The following ARHGEF6 variants were observed in gnomAD, a reference collection of about 807,000 sequenced individuals.
The protein encoded by ARHGEF6 is rho guanine nucleotide exchange factor 6.
In ARHGEF6, 9 loss-of-function variants were observed where a neutral mutation model predicts 70.3. That is an observed-to-expected ratio of 0.13 (90% CI 0.08 to 0.22). The LOEUF (loss-of-function observed/expected upper bound fraction) is 0.22, where lower values mean the gene tolerates loss of function less well. Ranked by LOEUF, ARHGEF6 falls within the 10% of genes least tolerant of loss-of-function variation. ARHGEF6 has a pLI of 1.00. For missense variants in ARHGEF6, 470 were observed against 563.0 expected (o/e 0.83, Z 1.67); for synonymous variants, 201 against 207.8 (o/e 0.97, Z 0.28).
At chrX:136,755,417 T>C (rs192101228) in intron 2 of ARHGEF6, among the ~76,000 whole-genome samples, 216 of 111,738 alleles carry the variant, frequency 1.9e-3, no homozygotes, top group African/African-American at 6.9e-3. Context: ...TCCGTGCCTG[T>C]TTAACAATCC....
At chrX:136,753,323 A>C (rs1043079771) in intron 2 of ARHGEF6, among the ~76,000 whole-genome samples, 3 of 112,340 alleles carry the variant, frequency 2.7e-5, no homozygotes, top group Non-Finnish European at 5.6e-5. Context: ...TGTGAGAGTC[A>C]GAAGACTTTG....
intron 6 of ARHGEF6, among the ~76,000 whole-genome samples, chrX:136,715,910 TTTTGTTTGTTTGTTTGC>T (rs2076731808): frequency 8.9e-6 from 1 of 112,317 alleles, no homozygotes; most frequent in Non-Finnish European, 1.9e-5. Flanking sequence ...ATAACCTATT[TTTTGTTTGTTTGTTTGC>T]TTTGTTTGTT....
At chrX:136,749,113 C>G (rs2077125476) in intron 2 of ARHGEF6, among the ~76,000 whole-genome samples, 1 of 112,091 alleles carries the variant, frequency 8.9e-6, no homozygotes. Flanking sequence ...AAGAGTTAAA[C>G]AACAACACAT....
At chrX:136,694,451 C>T (rs1013037902) in intron 9 of ARHGEF6, among the ~76,000 whole-genome samples, 1 of 112,119 alleles carries the variant, frequency 8.9e-6, no homozygotes, top group Admixed American at 9.4e-5. Flanking sequence ...GAATTTTTTA[C>T]GTGCTCCCTG....
At chrX:136,682,007 T>C in intron 13 of ARHGEF6, 39 bp from the exon 14 acceptor site, 4 of 1,063,305 alleles carry the variant, frequency 3.8e-6, no homozygotes, top group Non-Finnish European at 5.3e-6. Context: ...TCTGCAGTTA[T>C]ACAGGTCTCT....
chrX:136,740,095 G>A (rs1450330755), intron 5 of ARHGEF6, among the ~76,000 whole-genome samples: 1 of 110,910 alleles, frequency 9.0e-6, no homozygotes, highest in Non-Finnish European at 1.9e-5. Flanking sequence ...TGCAACCTCC[G>A]CCTCCTCGAT....
intron 2 of ARHGEF6, among the ~76,000 whole-genome samples, chrX:136,775,940 A>G (rs1283544707): frequency 9.0e-6 from 1 of 111,398 alleles, no homozygotes; most frequent in Non-Finnish European, 1.9e-5. Flanking sequence ...CCCTTTTACA[A>G]CAGCTGCAAA....
chrX:136,691,113 A>G (rs2076453965), intron 9 of ARHGEF6, among the ~76,000 whole-genome samples: 2 of 111,758 alleles, frequency 1.8e-5, no homozygotes, highest in African/African-American at 6.5e-5. Context: ...CGTGAGATAT[A>G]CAGTGTATCA....
chrX:136,751,976 A>G (rs2077156446), intron 2 of ARHGEF6, among the ~76,000 whole-genome samples: 2 of 111,682 alleles, frequency 1.8e-5, no homozygotes, highest in Non-Finnish European at 3.8e-5. Flanking sequence ...GTTAAGTCAC[A>G]GGGCAGGAAA....
chrX:136,672,677 G>C (rs899500354), intron 19 of ARHGEF6, among the ~76,000 whole-genome samples: 6 of 112,266 alleles, frequency 5.3e-5, no homozygotes, highest in African/African-American at 1.9e-4. Context: ...GTGAGGTTTG[G>C]AGATTATCAC....
At chrX:136,757,346 C>T (rs2077217355) in intron 2 of ARHGEF6, among the ~76,000 whole-genome samples, 1 of 112,402 alleles carries the variant, frequency 8.9e-6, no homozygotes, top group Non-Finnish European at 1.9e-5. Flanking sequence ...TAGCCTGTCA[C>T]GCTCTAGCCT....
At chrX:136,770,725 G>A (rs1488998221) in intron 2 of ARHGEF6, among the ~76,000 whole-genome samples, 2 of 112,910 alleles carry the variant, frequency 1.8e-5, no homozygotes, top group East Asian at 2.7e-4. Flanking sequence ...GGCAGGCACC[G>A]TGGCTCACAC....
chrX:136,763,456 T>C (rs1037122033), intron 2 of ARHGEF6, among the ~76,000 whole-genome samples: 1 of 112,373 alleles, frequency 8.9e-6, no homozygotes, highest in Non-Finnish European at 1.9e-5. Context: ...TCAGTCATTC[T>C]ATCAATCTTT....
chrX:136,725,311 T>C, intron 6 of ARHGEF6, among the ~76,000 whole-genome samples: 1 of 110,660 alleles, frequency 9.0e-6, no homozygotes, highest in South Asian at 3.9e-4. Flanking sequence ...CAGAATGGAC[T>C]TTACAAAATT....
At position 136,690,635 on chromosome X, in the gene ARHGEF6, AAG is replaced by A; in HGVS notation, c.1158_1159del (p.Leu387AlafsTer58). ...CTCCATATGCCGTTCTAACTCTTGC[AAG>A]AGAGTAACATATTTCTCCAGTCGCA... On this transcript the variant is annotated frameshift_variant, in exon 10 of 22. Transcript: ENST00000250617. LOFTEE classifies it high-confidence loss of function. 1 of 1,211,133 alleles carries A rather than the reference AAG, an allele frequency of 8.3e-7. No individual in the cohort carries two copies. Among genetic ancestry groups the A allele is most frequent in the Non-Finnish European group, 1.1e-6 (1 of 895,193 alleles).
intron 6 of ARHGEF6, among the ~76,000 whole-genome samples, chrX:136,727,333 CTTTCTTTCTT>C (rs1569410834): frequency 1.2e-3 from 38 of 32,786 alleles, no homozygotes; most frequent in South Asian, 4.1e-3. Flanking sequence ...CTTTTTCTTT[CTTTCTTTCTT>C]TCTTTCTTTC....
chrX:136,686,647 CAT>C (rs1186808082), intron 11 of ARHGEF6, among the ~76,000 whole-genome samples: 227 of 57,988 alleles, frequency 3.9e-3, no homozygotes, highest in African/African-American at 4.0e-3. Context: ...TATATACACA[CAT>C]ATATATATAC....
At chrX:136,738,375 A>T (rs2077008877) in intron 5 of ARHGEF6, among the ~76,000 whole-genome samples, 1 of 111,441 alleles carries the variant, frequency 9.0e-6, no homozygotes, top group Admixed American at 9.5e-5. Flanking sequence ...ATGCACACAC[A>T]ACCTCTGCCT....
chrX:136,761,847 G>A (rs1323512424), intron 2 of ARHGEF6, among the ~76,000 whole-genome samples: 2 of 111,681 alleles, frequency 1.8e-5, no homozygotes, highest in African/African-American at 3.3e-5. Context: ...TGTCTCAATT[G>A]CAAATGTAAC....
Sources: gnomAD v4.1 joint callset for allele counts (sites outside exome capture counted in the v4.1 genomes callset) on GRCh38, gnomAD v4.1.1 for gene constraint, MANE v1.5 for transcripts, NCBI Gene and HGNC (gene_info 2026-07-23, HGNC 2026-07-21) for gene names.